NRXN2: variants seen among roughly 807,000 people sequenced by gnomAD.
The protein encoded by NRXN2 is neurexin 2.
NRXN2 carries 29 observed loss-of-function variants against 128.8 expected under a neutral mutation model. The ratio of observed to expected loss-of-function variants is 0.23; its 90% CI spans 0.17 to 0.31. NRXN2 has a LOEUF of 0.31. NRXN2 is among the 10% of genes least tolerant of loss of function. NRXN2 has a pLI of 1.00. For synonymous variants in NRXN2, 1,098 were observed against 1,075.2 expected (o/e 1.02, Z -0.41); for missense variants, 1,881 against 2,452.6 (o/e 0.77, Z 4.92).
intron 2 of NRXN2, among the ~76,000 whole-genome samples, chr11:64,709,049 G>A (rs2056626913): frequency 6.6e-6 from 1 of 151,972 alleles, no homozygotes; most frequent in Non-Finnish European, 1.5e-5. Context: ...AAAATTAGCT[G>A]GACATAGTGG....
intron 9 of NRXN2, among the ~76,000 whole-genome samples, chr11:64,664,069 G>A (rs1263730733): frequency 6.6e-6 from 1 of 152,194 alleles, no homozygotes; most frequent in East Asian, 1.9e-4. Context: ...TGTTTAATGG[G>A]CCAGAGTTTC....
At chr11:64,649,070 C>G (rs557760406) in intron 15 of NRXN2, among the ~76,000 whole-genome samples, 163 bp from the exon 16 acceptor site, 5 of 152,148 alleles carry the variant, frequency 3.3e-5, no homozygotes, top group Non-Finnish European at 4.4e-5. Context: ...CCCGCACCCC[C>G]CCAACACACT....
At chr11:64,719,005 ACTTT>A (rs2057368887) in intron 1 of NRXN2, among the ~76,000 whole-genome samples, 1 of 152,222 alleles carries the variant, frequency 6.6e-6, no homozygotes, top group Non-Finnish European at 1.5e-5. Context: ...TCTGTGCTTC[ACTTT>A]CTTTATGTAT....
intron 1 of NRXN2, among the ~76,000 whole-genome samples, chr11:64,722,221 G>T (rs1366108580): frequency 6.7e-6 from 1 of 150,250 alleles, no homozygotes; most frequent in African/African-American, 2.5e-5. Context: ...CCAGAACCCT[G>T]TCACCGCCCC....
Position 64,660,279 on chromosome 11 carries a change from G to A in NRXN2, c.2389+53C>T. ...GCTTCTCCAGACAGAGGCAGGTGTGGGTCAGAGACAAGGCCAGGTGAGGGG... is the reference window on the plus strand; with the variant it reads ...GCTTCTCCAGACAGAGGCAGGTGTGAGTCAGAGACAAGGCCAGGTGAGGGG... On this transcript the variant is annotated intron_variant, in intron 11 of 22. Transcript: ENST00000265459. The surrounding 1 kb of genome is among the most constrained non-coding windows in gnomAD (Gnocchi z 5.2). 6.3e-7 allele frequency: 1 copy of A among 1,581,428 alleles called. No individual in the cohort carries two copies. The highest frequency in any genetic ancestry group is 8.7e-7 in the Non-Finnish European group (1 of 1,151,988).
chr11:64,685,604 C>T, intron 6 of NRXN2, 42 bp downstream of exon 6: 1 of 1,613,564 alleles, frequency 6.2e-7, no homozygotes, highest in Non-Finnish European at 8.5e-7. Context: ...CCATTCTACC[C>T]CAGGTATAGC....
intron 6 of NRXN2, among the ~76,000 whole-genome samples, chr11:64,678,784 AC>A (rs1480049202): frequency 6.6e-6 from 1 of 151,948 alleles, no homozygotes; most frequent in Non-Finnish European, 1.5e-5. Flanking sequence ...ACTAAACTGC[AC>A]CCCCGAGAGT....
Position 64,660,983 on chromosome 11 carries a change from G to T in NRXN2, c.1955C>A (p.Ala652Glu). Residue 652 changes from alanine (A) to glutamate (E), a missense_variant, in exon 10 of 23, where the codon GCA becomes GAA. Physicochemically the swap from Ala to Glu is moderately radical, Grantham distance 107. This residue lies in a region of NRXN2 where 997 missense variants were observed against 1,240.8 expected (regional missense o/e 0.80). Transcript: ENST00000265459. The surrounding 1 kb of genome is among the most constrained non-coding windows in gnomAD (Gnocchi z 5.2). ...PPEVWTAALR[A>E]GYVGCVRDLF... ...GTCCCGCACACAGCCCACGTAGCCT[G>T]CCCGGAGTGCTGCTGTCCACACCTC... 6.2e-7 allele frequency: 1 copy of T among 1,613,854 alleles called. No homozygotes were observed. Among genetic ancestry groups the T allele is most frequent in the Non-Finnish European group, 8.5e-7 (1 of 1,180,012 alleles).
chr11:64,712,179 G>A (rs1192089666), intron 2 of NRXN2, among the ~76,000 whole-genome samples: 1 of 137,198 alleles, frequency 7.3e-6, no homozygotes, highest in Non-Finnish European at 1.6e-5. Flanking sequence ...GCCCCTCACC[G>A]TTTCACATGG....
At chr11:64,618,688 A>G (rs1052452349) in intron 22 of NRXN2, among the ~76,000 whole-genome samples, 1 of 152,162 alleles carries the variant, frequency 6.6e-6, no homozygotes, top group Non-Finnish European at 1.5e-5. Flanking sequence ...TTGAGCCAAG[A>G]TCGCCCCAGG....
At position 64,667,239 on chromosome 11, in the gene NRXN2, G is replaced by A; in HGVS notation, c.1798+11C>T. 1 of 1,614,020 alleles carries A rather than the reference G, an allele frequency of 6.2e-7. No homozygotes were observed. The highest frequency in any genetic ancestry group is 8.5e-7 in the Non-Finnish European group (1 of 1,179,976). On this transcript the variant is annotated intron_variant, in intron 9 of 22. Coordinates refer to ENST00000265459, the MANE Select transcript of NRXN2 (RefSeq NM_015080.4). The surrounding 1 kb of genome is among the most constrained non-coding windows in gnomAD (Gnocchi z 5.6). ...GCCCATGGAAGGGGAAGGGTCCAGA[G>A]GCCTCCTGACCTTTTCGCCCATCCC...
At chr11:64,650,399 A>T in intron 15 of NRXN2, 49 bp downstream of exon 15, 1 of 1,593,722 alleles carries the variant, frequency 6.3e-7, no homozygotes, top group South Asian at 1.1e-5. Context: ...CGCTGGGGTG[A>T]GGGGTATCTG....
chr11:64,691,476 A>G (rs929551685), intron 4 of NRXN2, among the ~76,000 whole-genome samples: 4 of 152,314 alleles, frequency 2.6e-5, no homozygotes, highest in Non-Finnish European at 5.9e-5. Flanking sequence ...TGGCTTCAGG[A>G]TGAGAAAACT....
intron 2 of NRXN2, 24 bp downstream of exon 2, chr11:64,712,946 G>T (rs916156256): frequency 3.3e-6 from 5 of 1,498,176 alleles, no homozygotes; most frequent in African/African-American, 1.4e-5. Context: ...CCCAGGCACC[G>T]GGCGGCCGCT....
chr11:64,654,062 G>A (rs1235100832), intron 11 of NRXN2, among the ~76,000 whole-genome samples: 1 of 152,168 alleles, frequency 6.6e-6, no homozygotes, highest in Non-Finnish European at 1.5e-5. Context: ...GGGATCAATG[G>A]GGGCCGAGGG....
Position 64,648,484 on chromosome 11 carries a change from G to A in NRXN2, c.3284-146C>T, listed in dbSNP as rs1462498416. 1.5e-6 allele frequency: 2 copies of A among 1,356,268 alleles called. No homozygotes were observed. Among genetic ancestry groups the A allele is most frequent in the Non-Finnish European group, 1.0e-6 (1 of 971,676 alleles). The allele number at this position is 1,356,268 out of a possible 1,614,324, so 84.0% of individuals were successfully genotyped here. The stretch of plus-strand genomic sequence containing the variant: ...GGCCAAGTACTGATGACAGGGATTG[G>A]GGCAGGAGGGTCAGGTCTGCTAGGC... On this transcript the variant is annotated intron_variant, in intron 16 of 22. Coordinates refer to ENST00000265459, the MANE Select transcript of NRXN2 (RefSeq NM_015080.4). The surrounding 1 kb of genome is among the most constrained non-coding windows in gnomAD (Gnocchi z 4.1).
At chr11:64,709,063 G>C (rs553529837) in intron 2 of NRXN2, among the ~76,000 whole-genome samples, 1 of 151,972 alleles carries the variant, frequency 6.6e-6, no homozygotes, top group East Asian at 1.9e-4. Context: ...ATAGTGGCGG[G>C]CGCCTGTAAT....
chr11:64,693,277 T>C (rs1447874992), intron 3 of NRXN2, among the ~76,000 whole-genome samples: 1 of 149,614 alleles, frequency 6.7e-6, no homozygotes, highest in Non-Finnish European at 1.5e-5. Context: ...AGGAGAAGCA[T>C]TAGGCTAGGA....
intron 17 of NRXN2, among the ~76,000 whole-genome samples, chr11:64,639,976 G>T (rs1053674542): frequency 9.9e-5 from 15 of 152,132 alleles, no homozygotes; most frequent in Non-Finnish European, 2.2e-4. Flanking sequence ...CAAAGGTGGG[G>T]TTCAGCCAGG....
Sources: allele counts gnomAD v4.1 joint callset (sites outside exome capture counted in the v4.1 genomes callset), GRCh38; gene constraint gnomAD v4.1.1; regional missense constraint gnomAD v4.1.1; non-coding constraint Gnocchi (gnomAD v3.1); transcripts MANE v1.5; gene names NCBI Gene and HGNC (gene_info 2026-07-23, HGNC 2026-07-21).